PCBP3: variants seen among roughly 807,000 people sequenced by gnomAD.
PCBP3 encodes the protein poly(rC) binding protein 3, also known as poly(rC)-binding protein 3.
Under a neutral mutation model 52.7 loss-of-function variants are expected in PCBP3, and 25 were observed. The observed-to-expected ratio is 0.47, with a 90% CI of 0.35 to 0.66. The LOEUF (loss-of-function observed/expected upper bound fraction) is 0.66, where lower values mean the gene tolerates loss of function less well. PCBP3 is among the 30% of genes least tolerant of loss of function. The pLI is 0.01. For missense variants in PCBP3, 391 were observed against 490.3 expected (o/e 0.80, Z 1.91); for synonymous variants, 162 against 183.0 (o/e 0.89, Z 0.93).
chr21:45,883,065 T>A (rs919820940), intron 5 of PCBP3, among the ~76,000 whole-genome samples: 1 of 152,272 alleles, frequency 6.6e-6, no homozygotes, highest in Non-Finnish European at 1.5e-5. Flanking sequence ...ACTGCTGTAG[T>A]TGTGTCCTGC....
At chr21:45,671,327 C>G (rs2081160614) in intron 2 of PCBP3, among the ~76,000 whole-genome samples, 1 of 152,204 alleles carries the variant, frequency 6.6e-6, no homozygotes, top group Non-Finnish European at 1.5e-5. Flanking sequence ...GGATGGATTT[C>G]TAGCATTGTG....
chr21:45,770,552 C>T (rs1041529254), intron 4 of PCBP3, among the ~76,000 whole-genome samples: 3 of 152,150 alleles, frequency 2.0e-5, no homozygotes, highest in African/African-American at 7.2e-5. Context: ...GTTTGCTGCT[C>T]CCTGAAGGAG....
intron 2 of PCBP3, among the ~76,000 whole-genome samples, chr21:45,721,468 G>A (rs2084637750): frequency 6.6e-6 from 1 of 151,350 alleles, no homozygotes; most frequent in South Asian, 2.1e-4. Flanking sequence ...GAGTATTTGA[G>A]GAGACCACTT....
intron 1 of PCBP3, among the ~76,000 whole-genome samples, chr21:45,654,964 A>G (rs1016508645): frequency 6.6e-6 from 1 of 152,202 alleles, no homozygotes; most frequent in East Asian, 1.9e-4. Context: ...GTGGAATTAT[A>G]TAGTATGTGG....
At chr21:45,818,453 G>A (rs1429439366) in intron 4 of PCBP3, among the ~76,000 whole-genome samples, 1 of 152,144 alleles carries the variant, frequency 6.6e-6, no homozygotes, top group East Asian at 1.9e-4. Context: ...CTGCCCCCAT[G>A]CGCTTCACGT....
intron 12 of PCBP3, 194 bp downstream of exon 12, chr21:45,914,219 A>C: frequency 1.2e-6 from 1 of 823,606 alleles, no homozygotes; most frequent in African/African-American, 1.8e-5. Flanking sequence ...GCATTCCCCC[A>C]CAGAGACGGC....
rs139627616 is a variant in PCBP3 at position 45,802,269 on chromosome 21, G to A, written c.-126+46817G>A. Among the ~76,000 whole-genome samples the A allele has an allele frequency of 6.6e-6, 1 of 152,304 alleles. No individual in the cohort carries two copies. The highest frequency in any genetic ancestry group is 1.9e-4 in the East Asian group (1 of 5,184). On this transcript the variant is annotated intron_variant, in intron 4 of 17. Coordinates refer to ENST00000681687, the MANE Select transcript of PCBP3 (RefSeq NM_001384156.1). The surrounding 1 kb of genome is among the most constrained non-coding windows in gnomAD (Gnocchi z 5.1). ...GGCTCACAGCTGGGTGCTGGGGCTG[G>A]GGGTGAGCTAGCTGTCCGGCCCCTG...
chr21:45,827,700 A>G lies in PCBP3; in HGVS notation c.-125-22261A>G, dbSNP rs2093343922. ...TCAGTTACATCTCAGCCAAGCTGTT[A>G]ATAAGCAGAACTCAGGGTCCCAGGG... On this transcript the variant is annotated intron_variant, in intron 4 of 17. Transcript: ENST00000681687. The surrounding 1 kb of genome is among the most constrained non-coding windows in gnomAD (Gnocchi z 4.3). Among the ~76,000 whole-genome samples, 1 of 152,254 alleles carries G rather than the reference A, an allele frequency of 6.6e-6. No individual in the cohort carries two copies. The highest frequency in any genetic ancestry group is 6.5e-5 in the Admixed American group (1 of 15,286).
chr21:45,848,158 C>T (rs1340143780), intron 4 of PCBP3: 1 of 152,202 alleles, frequency 6.6e-6, no homozygotes, highest in African/African-American at 2.4e-5. Context: ...TTATTGAGAA[C>T]GAAAGTACAC....
intron 2 of PCBP3, among the ~76,000 whole-genome samples, chr21:45,725,004 A>C (rs967828670): frequency 6.6e-6 from 1 of 152,226 alleles, no homozygotes; most frequent in Non-Finnish European, 1.5e-5. Flanking sequence ...TATCATGGTT[A>C]AATCTGCAGA....
At chr21:45,803,529 G>A (rs1394160827) in intron 4 of PCBP3, among the ~76,000 whole-genome samples, 2 of 152,136 alleles carry the variant, frequency 1.3e-5, no homozygotes, top group African/African-American at 4.8e-5. Flanking sequence ...GCAGTCTGTT[G>A]TTAGGTCGGG....
chr21:45,796,243 TA>T (rs199538865), intron 4 of PCBP3, among the ~76,000 whole-genome samples: 12 of 151,816 alleles, frequency 7.9e-5, no homozygotes, highest in East Asian at 1.9e-4. Context: ...CAAGAATTGT[TA>T]AAAAAAAATC....
chr21:45,816,515 C>A (rs1257272840), intron 4 of PCBP3, among the ~76,000 whole-genome samples: 1 of 98,594 alleles, frequency 1.0e-5, no homozygotes, highest in Admixed American at 1.0e-4. Flanking sequence ...CCCTCCCCTC[C>A]CCTCCCCTCC....
At chr21:45,813,874 A>G (rs1366324352) in intron 4 of PCBP3, among the ~76,000 whole-genome samples, 2 of 152,236 alleles carry the variant, frequency 1.3e-5, no homozygotes, top group East Asian at 1.9e-4. Context: ...GTTTTTCTGC[A>G]TCTACATATG....
intron 4 of PCBP3, among the ~76,000 whole-genome samples, chr21:45,816,048 TG>T (rs2092938074): frequency 7.0e-6 from 1 of 142,712 alleles, no homozygotes; most frequent in Non-Finnish European, 1.5e-5. Context: ...GAGTGAGTGG[TG>T]AGTGGTGAGT....
At chr21:45,664,372 T>G (rs2080633681) in intron 1 of PCBP3, among the ~76,000 whole-genome samples, 1 of 148,938 alleles carries the variant, frequency 6.7e-6, no homozygotes, top group Non-Finnish European at 1.5e-5. Context: ...CCTTCAAAAC[T>G]GAAGGTGAAA....
intron 2 of PCBP3, among the ~76,000 whole-genome samples, chr21:45,708,762 C>T (rs1193948475): frequency 6.6e-6 from 1 of 152,218 alleles, no homozygotes; most frequent in Non-Finnish European, 1.5e-5. Context: ...GACTGTGATT[C>T]ATGTGGGTTC....
chr21:45,842,626 A>G (rs1450787630), intron 4 of PCBP3, among the ~76,000 whole-genome samples: 1 of 152,004 alleles, frequency 6.6e-6, no homozygotes, highest in African/African-American at 2.4e-5. Flanking sequence ...TGTGTCCTGG[A>G]AGTATAGGTT....
At chr21:45,653,755 G>T (rs967472310) in intron 1 of PCBP3, among the ~76,000 whole-genome samples, 1 of 151,762 alleles carries the variant, frequency 6.6e-6, no homozygotes, top group East Asian at 1.9e-4. Context: ...TTAAATTTAC[G>T]ATTCTATTAT....
Sources: allele counts gnomAD v4.1 joint callset (sites outside exome capture counted in the v4.1 genomes callset), GRCh38; gene constraint gnomAD v4.1.1; non-coding constraint Gnocchi (gnomAD v3.1); transcripts MANE v1.5; gene names NCBI Gene and HGNC (gene_info 2026-07-23, HGNC 2026-07-21).